WLS: variants seen among roughly 807,000 people sequenced by gnomAD.
WLS encodes protein wntless homolog.
In WLS, 23 loss-of-function variants were observed where a neutral mutation model predicts 62.8. The observed-to-expected ratio is 0.37, with a 90% confidence interval of 0.26 to 0.52. WLS has a LOEUF of 0.52. Among genes scored for constraint, WLS ranks in the 20% least tolerant of loss-of-function variants. The pLI is 0.92. For synonymous variants in WLS, 246 were observed against 244.1 expected (o/e 1.01, Z -0.07); for missense variants, 615 against 697.3 (o/e 0.88, Z 1.33).
chr1:68,125,296 C>G, downstream of WLS: 2 of 981,418 alleles, frequency 2.0e-6, no homozygotes, highest in South Asian at 4.7e-5. Flanking sequence ...TTTCAGAAAC[C>G]TATTTCCCCC....
intron 3 of WLS, among the ~76,000 whole-genome samples, chr1:68,155,659 A>G (rs1646886995): frequency 1.3e-5 from 2 of 152,286 alleles, no homozygotes; most frequent in South Asian, 4.2e-4. Flanking sequence ...TCTGTGGAAC[A>G]GTCAGCTTCT....
intron 2 of WLS, chr1:68,161,795 T>C: frequency 7.5e-6 from 12 of 1,601,224 alleles, no homozygotes; most frequent in Non-Finnish European, 1.0e-5. Flanking sequence ...CCGTGTTTTG[T>C]GGGCTGGTTG....
intron 2 of WLS, among the ~76,000 whole-genome samples, chr1:68,166,720 C>G (rs1285557152): frequency 6.6e-6 from 1 of 152,224 alleles, no homozygotes; most frequent in Non-Finnish European, 1.5e-5. Flanking sequence ...CTAATCTAAG[C>G]TTTCTAAAGC....
chr1:68,115,371 G>A (rs1406324214), intron 11 of WLS, among the ~76,000 whole-genome samples: 3 of 152,232 alleles, frequency 2.0e-5, no homozygotes, highest in South Asian at 2.1e-4. Flanking sequence ...CCTGCTTCTT[G>A]GGATGACACT....
intron 1 of WLS, among the ~76,000 whole-genome samples, chr1:68,227,261 T>C (rs1650187506): frequency 6.6e-6 from 1 of 152,118 alleles, no homozygotes; most frequent in African/African-American, 2.4e-5. Flanking sequence ...CTACTAAAAA[T>C]ACAACAATTA....
chr1:68,102,246 C>T (rs1041017755), intron 11 of WLS, among the ~76,000 whole-genome samples: 1 of 130,334 alleles, frequency 7.7e-6, no homozygotes, highest in Non-Finnish European at 1.5e-5. Flanking sequence ...ATTTCCTGCC[C>T]CTTCCTCTTT....
At chr1:68,116,797 T>G (rs1473847651) in intron 11 of WLS, among the ~76,000 whole-genome samples, 4 of 152,186 alleles carry the variant, frequency 2.6e-5, no homozygotes, top group Admixed American at 2.0e-4. Flanking sequence ...TCTTTCAAGA[T>G]AAAAACTCTT....
In WLS at chr1:68,130,477, G is replaced by A. The variant is rs1646502679; in HGVS notation, c.1517-4142C>T. On this transcript the variant is annotated intron_variant, in intron 11 of 11. Coordinates refer to ENST00000262348, the MANE Select transcript of WLS (RefSeq NM_024911.7). Reference sequence around the variant, plus strand: ...ACCTCCAAAGCTTATGTTCTTTCCAGAACATTCATGACCTATCCTTTTTTG... The same window carrying A: ...ACCTCCAAAGCTTATGTTCTTTCCAAAACATTCATGACCTATCCTTTTTTG... Among the ~76,000 whole-genome samples the A allele has an allele frequency of 2.0e-5, 3 of 152,232 alleles. No individual in the cohort carries two copies. The South Asian group carries it at 6.2e-4, about 32-fold the overall frequency.
rs563223491 is a variant in WLS, at chr1:68,107,991, G to A, written c.1511-9238C>T. Among the ~76,000 whole-genome samples the A allele has an allele frequency of 3.1e-4, 47 of 152,258 alleles. 1 individual carries two copies. In the Middle Eastern group the frequency reaches 0.01, roughly 33 times the overall value. On this transcript the variant is annotated intron_variant, in intron 11 of 11. Coordinates refer to the WLS transcript ENST00000354777. ...TGAATCACCAGCTAGGGACAATCCC[G>A]AGGCCAAAAAGCTCATGATAGCCTG...
intron 1 of WLS, among the ~76,000 whole-genome samples, chr1:68,194,603 C>T (rs555092692): frequency 3.3e-5 from 5 of 152,190 alleles, no homozygotes; most frequent in African/African-American, 1.2e-4. Flanking sequence ...GTCAGAAGAC[C>T]TTAGTCTTCA....
chr1:68,150,101 G>A (rs1646805717), intron 6 of WLS, 87 bp downstream of exon 6: 35 of 1,424,202 alleles, frequency 2.5e-5, no homozygotes, highest in Non-Finnish European at 3.3e-5. Context: ...ACCCACTGCT[G>A]ACTAGAGGCA....
intron 1 of WLS, among the ~76,000 whole-genome samples, chr1:68,212,604 A>G (rs949779821): frequency 7.2e-5 from 11 of 152,200 alleles, no homozygotes; most frequent in Non-Finnish European, 1.5e-4. Flanking sequence ...CATACTAAGT[A>G]CTCAAATAAT....
Position 68,131,210 on chromosome 1 carries a change from C to CTT in WLS, c.1517-4877_1517-4876dup, listed in dbSNP as rs5774913. Among the ~76,000 whole-genome samples, 320 of 146,192 alleles carry CTT rather than the reference C, an allele frequency of 2.2e-3. 1 individual carries two copies. The highest frequency in any genetic ancestry group is 4.2e-3 in the African/African-American group (165 of 39,732). Reference sequence around the variant, plus strand: ...ACAGGCGTGAGCCACCGCACCTGGCCTTTTTTTTTTTTCCAAAGAAAGTAA... The same window carrying CTT: ...ACAGGCGTGAGCCACCGCACCTGGCCTTTTTTTTTTTTTTCCAAAGAAAGTAA... On this transcript the variant is annotated intron_variant, in intron 11 of 11. Transcript: ENST00000262348.
At chr1:68,173,740 G>C (rs1453048405) in intron 2 of WLS, among the ~76,000 whole-genome samples, 4 of 152,148 alleles carry the variant, frequency 2.6e-5, no homozygotes, top group Middle Eastern at 6.3e-3. Flanking sequence ...CTTCAGACAA[G>C]AGCTCTGGCA....
At chr1:68,219,087 A>T (rs1649846612) in intron 1 of WLS, among the ~76,000 whole-genome samples, 1 of 152,222 alleles carries the variant, frequency 6.6e-6, no homozygotes, top group Admixed American at 6.5e-5. Context: ...AAATCTCAAA[A>T]TTTGCATTAC....
At chr1:68,109,597 T>C (rs954154800) in intron 11 of WLS, among the ~76,000 whole-genome samples, 6 of 152,040 alleles carry the variant, frequency 3.9e-5, no homozygotes, top group Non-Finnish European at 7.4e-5. Flanking sequence ...AACATAACTT[T>C]TAGAAATGAA....
In WLS at chr1:68,183,426, C is replaced by T. The variant is rs889652812; in HGVS notation, c.379+10529G>A. 8.7e-6 allele frequency: 3 copies of T among 346,202 alleles called. No individual in the cohort carries two copies. In the Admixed American group the frequency reaches 1.1e-4, roughly 13 times the overall value. 21.4% of individuals were successfully genotyped at this position (346,202 alleles called of 1,614,324 possible). ...CTACCAATGGCCTGTTCCATCATAG[C>T]AGGGATAGTTCTTATAGTGTATAAA... On this transcript the variant is annotated intron_variant, in intron 2 of 11. Transcript: ENST00000262348.
intron 1 of WLS, among the ~76,000 whole-genome samples, chr1:68,206,371 A>G (rs1649280050): frequency 6.6e-6 from 1 of 152,196 alleles, no homozygotes; most frequent in Non-Finnish European, 1.5e-5. Flanking sequence ...GAAATCTGAG[A>G]TCAATAAAAT....
chr1:68,205,393 A>AT (rs755594378), intron 1 of WLS, among the ~76,000 whole-genome samples: 10 of 152,296 alleles, frequency 6.6e-5, no homozygotes, highest in Non-Finnish European at 1.5e-4. Flanking sequence ...AACAATGGTA[A>AT]TTTTTTTAAA....
Sources: allele counts gnomAD v4.1 joint callset (sites outside exome capture counted in the v4.1 genomes callset), GRCh38; gene constraint gnomAD v4.1.1; transcripts MANE v1.5; gene names NCBI Gene and HGNC (gene_info 2026-07-23, HGNC 2026-07-21).